ARMC9: variants seen among roughly 807,000 people sequenced by gnomAD.
The protein encoded by ARMC9 is lisH domain-containing protein ARMC9.
A neutral mutation model predicts 107.0 loss-of-function variants in ARMC9; 94 were observed. That is an observed-to-expected ratio of 0.88 (90% CI 0.74 to 1.04). The LOEUF is 1.04. Among genes scored for constraint, ARMC9 ranks in the 50% least tolerant of loss-of-function variants. ARMC9 has a pLI of 0.00. For missense variants in ARMC9, 942 were observed against 1,030.1 expected (o/e 0.91, Z 1.17); for synonymous variants, 380 against 396.9 (o/e 0.96, Z 0.51).
chr2:231,344,857 T>C, intron 20 of ARMC9, 118 bp from the exon 21 acceptor site: 3 of 1,046,140 alleles, frequency 2.9e-6, no homozygotes, highest in Non-Finnish European at 4.3e-6. Context: ...TCCTTCCTCA[T>C]TTATTTGCAA....
chr2:231,282,075 A>G lies in ARMC9; in HGVS notation c.1568A>G (p.Asn523Ser), dbSNP rs746388047. 5.0e-6 allele frequency: 8 copies of G among 1,614,018 alleles called. No homozygotes were observed. In the East Asian group the frequency reaches 1.6e-4, roughly 31 times the overall value. The change falls in exon 17 of 25, where the codon AAT (asparagine) becomes AGT (serine). Residue 523 changes from asparagine (N) to serine (S), a missense_variant. Transcript: ENST00000611582. Reference protein sequence around the residue: ...HENHEIQPYVNGALYSILSVP... With the variant: ...HENHEIQPYVSGALYSILSVP... ...CCCTTAAAGATACAGCCGTATGTGA[A>G]TGGAGCTCTGTACAGCATCCTTTCT...
At position 231,235,326 on chromosome 2, in the gene ARMC9, T is replaced by C. The variant is rs147777576; in HGVS notation, c.725T>C (p.Ile242Thr). 1.6e-4 allele frequency: 261 copies of C among 1,614,216 alleles called. No individual in the cohort carries two copies. Among genetic ancestry groups the C allele is most frequent in the Middle Eastern group, 4.9e-4 (3 of 6,062 alleles). The change falls in exon 8 of 25, where the codon ATT becomes ACT. Residue 242 changes from isoleucine (I) to threonine (T), a missense_variant. By Grantham distance (89) the Ile-to-Thr change is moderately conservative (BLOSUM62 -1). Coordinates refer to ENST00000611582, the MANE Select transcript of ARMC9 (RefSeq NM_001352754.2). ...ATCCAGGCCGACTACCACAATCTCA[T>C]TGGAGTCACAGCAGAGCTGGTGGAT... ...NKIQADYHNL[I>T]GVTAELVDSL...
intron 21 of ARMC9, among the ~76,000 whole-genome samples, chr2:231,354,361 G>A (rs1400880975): frequency 2.0e-5 from 3 of 148,268 alleles, no homozygotes; most frequent in African/African-American, 7.4e-5. Context: ...TTTGACTTTG[G>A]GTTGAGCCAT....
At chr2:231,201,480 C>T (rs1252141855) in intron 1 of ARMC9, among the ~76,000 whole-genome samples, 1 of 152,224 alleles carries the variant, frequency 6.6e-6, no homozygotes, top group East Asian at 1.9e-4. Context: ...GCGTCTCTTT[C>T]CTCCATCCTC....
At chr2:231,236,666 C>T (rs941105171) in intron 8 of ARMC9, among the ~76,000 whole-genome samples, 2 of 152,200 alleles carry the variant, frequency 1.3e-5, no homozygotes, top group Middle Eastern at 3.2e-3. Flanking sequence ...ATTAGCCAGG[C>T]ATGGTGTCTC....
chr2:231,272,187 GTTTTT>G (rs56201225), intron 13 of ARMC9, among the ~76,000 whole-genome samples: 1 of 99,712 alleles, frequency 1.0e-5, no homozygotes, highest in Non-Finnish European at 1.9e-5. Flanking sequence ...TGTGTGTTTG[GTTTTT>G]TTTTTTTTTT....
intron 19 of ARMC9, among the ~76,000 whole-genome samples, chr2:231,319,874 TATAAC>T: frequency 6.6e-6 from 1 of 152,250 alleles, no homozygotes; most frequent in East Asian, 1.9e-4. Flanking sequence ...CAGAAAATAA[TATAAC>T]AGACAGCTGT....
chr2:231,310,810 A>G (rs1180526438), intron 19 of ARMC9, among the ~76,000 whole-genome samples: 1 of 151,754 alleles, frequency 6.6e-6, no homozygotes, highest in Non-Finnish European at 1.5e-5. Context: ...GGAAAAGCAG[A>G]GTAAGTTCAC....
chr2:231,232,303 A>C (rs1334058196), intron 7 of ARMC9, among the ~76,000 whole-genome samples: 1 of 150,672 alleles, frequency 6.6e-6, no homozygotes, highest in Non-Finnish European at 1.5e-5. Context: ...GGATTACAGG[A>C]GTGAGCCACT....
chr2:231,269,374 C>A lies in ARMC9; in HGVS notation c.1120-1608C>A, dbSNP rs546333024. Among the ~76,000 whole-genome samples the A allele has an allele frequency of 2.0e-3, 283 of 139,306 alleles. 1 individual carries two copies. The highest frequency in any genetic ancestry group is 2.8e-3 in the Non-Finnish European group (181 of 64,278). The allele number at this position is 139,306 out of a possible 152,430, so 91.4% of individuals were successfully genotyped here. A position where few individuals can be genotyped will look rare whatever the true frequency, so the allele number is the denominator to read the frequency against. ...CATCTTTTCTACTTTTTGTTCCACT[C>A]TTTAGGAGATTTCTTTTCTTCTTCT... On this transcript the variant is annotated intron_variant, in intron 12 of 24. Transcript: ENST00000611582.
At chr2:231,256,213 C>A (rs2037787264) in intron 9 of ARMC9, 2 of 1,532,772 alleles carry the variant, frequency 1.3e-6, no homozygotes, top group Admixed American at 2.0e-5. Context: ...ACGACACGAG[C>A]CGATCCATCA....
intron 1 of ARMC9, among the ~76,000 whole-genome samples, chr2:231,201,905 C>T (rs755485789): frequency 3.9e-4 from 60 of 152,182 alleles, no homozygotes; most frequent in Non-Finnish European, 8.8e-5. Context: ...TTGCTGTAGT[C>T]GCTTTGGTTC....
chr2:231,360,735 T>A lies in ARMC9; in HGVS notation c.2132-19T>A, dbSNP rs1432693101. On this transcript the variant is annotated intron_variant, in intron 22 of 24. Coordinates refer to ENST00000611582, the MANE Select transcript of ARMC9 (RefSeq NM_001352754.2). The surrounding 1 kb of genome is among the most constrained non-coding windows in gnomAD (Gnocchi z 4.7). ...GCTCCAGAGCAGATGTGGACTGAAC[T>A]TTCTCTCCTCCTCCCCAGCAGCCAT... 3.2e-5 allele frequency: 49 copies of A among 1,535,946 alleles called. No homozygotes were observed. The highest frequency in any genetic ancestry group is 4.1e-5 in the Non-Finnish European group (47 of 1,146,886).
chr2:231,280,758 A>G (rs1436343506), intron 16 of ARMC9, among the ~76,000 whole-genome samples: 1 of 152,212 alleles, frequency 6.6e-6, no homozygotes, highest in Non-Finnish European at 1.5e-5. Context: ...CTAATAGATG[A>G]AGAGCTGGTA....
chr2:231,355,422 G>C (rs2045299409), intron 21 of ARMC9, among the ~76,000 whole-genome samples: 1 of 152,228 alleles, frequency 6.6e-6, no homozygotes, highest in African/African-American at 2.4e-5. Context: ...GTCTTCTCTG[G>C]TTGGATTCAT....
rs139214993 is a variant in ARMC9 at position 231,224,467 on chromosome 2, A to G, written c.597+1647A>G. 1.2e-3 allele frequency among the ~76,000 whole-genome samples: 183 copies of G among 152,290 alleles called. 1 individual carries two copies. Among genetic ancestry groups the G allele is most frequent in the African/African-American group, 4.2e-3 (173 of 41,562 alleles). ...GACCCTGTCTCAAAAAAATAAGAAT[A>G]AAAAAAGATCATAGTACCTATTTTA... On this transcript the variant is annotated intron_variant, in intron 6 of 24. Coordinates refer to ENST00000611582, the MANE Select transcript of ARMC9 (RefSeq NM_001352754.2).
chr2:231,358,367 A>G lies in ARMC9; in HGVS notation c.2132-2387A>G, dbSNP rs2045426694. On this transcript the variant is annotated intron_variant, in intron 22 of 24. Coordinates refer to ENST00000611582, the MANE Select transcript of ARMC9 (RefSeq NM_001352754.2). This position sits in a 1 kb window ranked among gnomAD's most constrained non-coding sequence, Gnocchi z 4.5. ...TCCACTTCAATTGATTGATTGATTGATTGATTGATTGATTGTAGAGAGAGG... is the reference window on the plus strand; with the variant it reads ...TCCACTTCAATTGATTGATTGATTGGTTGATTGATTGATTGTAGAGAGAGG... Among the ~76,000 whole-genome samples the G allele has an allele frequency of 6.6e-6, 1 of 151,754 alleles. No individual in the cohort carries two copies. The highest frequency in any genetic ancestry group is 1.5e-5 in the Non-Finnish European group (1 of 67,956).
chr2:231,206,126 A>G, intron 1 of ARMC9, 72 bp from the exon 2 acceptor site: 1 of 939,094 alleles, frequency 1.1e-6, no homozygotes, highest in Non-Finnish European at 1.7e-6. Flanking sequence ...TATTCTGCTC[A>G]CCACAACCAC....
intron 20 of ARMC9, among the ~76,000 whole-genome samples, chr2:231,332,850 G>A (rs2043834176): frequency 6.6e-6 from 1 of 152,186 alleles, no homozygotes; most frequent in African/African-American, 2.4e-5. Flanking sequence ...CTAGAACTTT[G>A]AAGCTGGTGG....
Sources: gnomAD v4.1 joint callset for allele counts (sites outside exome capture counted in the v4.1 genomes callset) on GRCh38, gnomAD v4.1.1 for gene constraint, Gnocchi (gnomAD v3.1) non-coding constraint, MANE v1.5 for transcripts, NCBI Gene and HGNC (gene_info 2026-07-23, HGNC 2026-07-21) for gene names.